PTPN5: variants seen among roughly 807,000 people sequenced by gnomAD.
PTPN5 encodes protein tyrosine phosphatase non-receptor type 5, also known as tyrosine-protein phosphatase non-receptor type 5.
In PTPN5, 29 loss-of-function variants were observed where a neutral mutation model predicts 73.9. The observed-to-expected ratio is 0.39, with a 90% confidence interval of 0.29 to 0.54. The LOEUF (loss-of-function observed/expected upper bound fraction) is 0.54, where lower values mean the gene tolerates loss of function less well. PTPN5 is among the 20% of genes least tolerant of loss of function. PTPN5 has a pLI of 0.65. For missense variants in PTPN5, 652 were observed against 751.4 expected (o/e 0.87, Z 1.55); for synonymous variants, 267 against 304.7 (o/e 0.88, Z 1.29).
Position 18,772,068 on chromosome 11 carries a change from C to G in PTPN5, c.-110G>C, listed in dbSNP as rs1052222530. 1.3e-6 allele frequency: 1 copy of G among 787,290 alleles called. No individual in the cohort carries two copies. 48.8% of individuals were successfully genotyped at this position (787,290 alleles called of 1,614,324 possible). Reference sequence around the variant, plus strand: ...AGGAGAGAGGGCAGCTTCAGATCATCCAGCTGGGAAAACGGGGCAAAGAGA... The same window carrying G: ...AGGAGAGAGGGCAGCTTCAGATCATGCAGCTGGGAAAACGGGGCAAAGAGA... On this transcript the variant is annotated 5_prime_UTR_variant, in exon 2 of 15. Coordinates refer to ENST00000358540, the MANE Select transcript of PTPN5 (RefSeq NM_006906.2).
chr11:18,740,639 CT>C lies in PTPN5; in HGVS notation c.878del (p.Lys293ArgfsTer17). ...CCTGCAGCAGGAAAGGGTCCAGGGCCTTTTCATGAAGCTCTTCTGCTTGGAG... is the reference window on the plus strand; with the variant it reads ...CCTGCAGCAGGAAAGGGTCCAGGGCCTTTCATGAAGCTCTTCTGCTTGGAG... ...RVLQAEELHE[K>X]ALDPFLLQAE... On this transcript the variant is annotated frameshift_variant, in exon 8 of 15. Transcript: ENST00000358540. LOFTEE classifies it high-confidence loss of function. 1.9e-6 allele frequency: 3 copies of C among 1,595,600 alleles called. No individual in the cohort carries two copies. Among genetic ancestry groups the C allele is most frequent in the Admixed American group, 1.8e-5 (1 of 56,900 alleles).
chr11:18,789,113 T>C (rs1003136103), intron 1 of PTPN5, among the ~76,000 whole-genome samples: 3 of 152,150 alleles, frequency 2.0e-5, no homozygotes, highest in South Asian at 4.2e-4. Context: ...AAGAATCCCA[T>C]GTCCTTGGAT....
chr11:18,742,586 C>A lies in PTPN5; in HGVS notation c.484-83G>T. On this transcript the variant is annotated intron_variant, in intron 6 of 14. Transcript: ENST00000358540. The surrounding 1 kb of genome is among the most constrained non-coding windows in gnomAD (Gnocchi z 4.1). The stretch of plus-strand genomic sequence containing the variant: ...CTGGAGTGCCCATGGGATTGACGCC[C>A]CCCCACTCCCTCAGTGTGTCTAGAG... 6.4e-7 allele frequency: 1 copy of A among 1,550,764 alleles called. No homozygotes were observed. The highest frequency in any genetic ancestry group is 8.7e-7 in the Non-Finnish European group (1 of 1,151,688).
chr11:18,783,828 A>G (rs1851550390), intron 1 of PTPN5, among the ~76,000 whole-genome samples: 1 of 152,162 alleles, frequency 6.6e-6, no homozygotes, highest in Non-Finnish European at 1.5e-5. Flanking sequence ...TACAGTAAAT[A>G]CTTGCATGCT....
chr11:18,778,020 A>AAGGG lies in PTPN5; in HGVS notation c.-113-5950_-113-5949insCCCT, dbSNP rs1851250105. On this transcript the variant is annotated intron_variant, in intron 1 of 14. Coordinates refer to ENST00000358540, the MANE Select transcript of PTPN5 (RefSeq NM_006906.2). ...GAAGGAAGGAAGGAAGGAAGGAAGG[A>AAGGG]AGGAAGGGCCCTGATTTGTGCCCTC... Among the ~76,000 whole-genome samples the AAGGG allele has an allele frequency of 2.7e-5, 4 of 150,162 alleles. No homozygotes were observed. The South Asian group carries it at 6.3e-4, about 24-fold the overall frequency.
chr11:18,757,713 G>T (rs1051913997), intron 3 of PTPN5, among the ~76,000 whole-genome samples: 1 of 152,194 alleles, frequency 6.6e-6, no homozygotes, highest in African/African-American at 2.4e-5. Flanking sequence ...GGACAGAGCA[G>T]GGGTGGACTG....
chr11:18,760,809 T>C (rs537907086), intron 3 of PTPN5, among the ~76,000 whole-genome samples: 9 of 152,338 alleles, frequency 5.9e-5, no homozygotes, highest in South Asian at 4.1e-4. Flanking sequence ...GAGAAGTCCA[T>C]AGGGCTCAGG....
intron 1 of PTPN5, 84 bp downstream of exon 1, chr11:18,791,441 T>C (rs1292466228): frequency 1.3e-5 from 2 of 151,952 alleles, no homozygotes; most frequent in Non-Finnish European, 2.9e-5. Context: ...AAGGTGTCAG[T>C]TGCGGGGCCG....
chr11:18,760,927 C>T (rs1264644048), intron 3 of PTPN5, among the ~76,000 whole-genome samples: 2 of 152,266 alleles, frequency 1.3e-5, no homozygotes, highest in Non-Finnish European at 2.9e-5. Context: ...GGCTTGAAGC[C>T]TGCATGGGTC....
chr11:18,763,349 C>T (rs544923482), intron 3 of PTPN5, among the ~76,000 whole-genome samples: 18 of 152,308 alleles, frequency 1.2e-4, no homozygotes, highest in African/African-American at 1.7e-4. Flanking sequence ...GTAGCGGTGA[C>T]GACACGGGCT....
chr11:18,743,413 A>G lies in PTPN5; in HGVS notation c.308T>C (p.Leu103Pro). The change falls in exon 5 of 15, where the codon CTC becomes CCC. Residue 103 changes from leucine (L) to proline (P), a missense_variant. By Grantham distance (98) the Leu-to-Pro change is moderately conservative. Transcript: ENST00000358540. ...ASQFLLACGV[L>P]WFSGYGHIWS... ...GATGTGGCCATAACCGCTGAACCAG[A>G]GCACCCCACAGGCAAGCTGGGGCAC... 1 of 1,614,130 alleles carries G rather than the reference A, an allele frequency of 6.2e-7. No individual in the cohort carries two copies. The highest frequency in any genetic ancestry group is 8.5e-7 in the Non-Finnish European group (1 of 1,180,016).
At chr11:18,751,199 A>G (rs1849873405) in intron 3 of PTPN5, among the ~76,000 whole-genome samples, 1 of 151,886 alleles carries the variant, frequency 6.6e-6, no homozygotes, top group Admixed American at 6.6e-5. Context: ...GTGGCTCCCT[A>G]TTTTCTGCTA....
At chr11:18,732,853 C>T in intron 11 of PTPN5, 151 bp from the exon 12 acceptor site, 2 of 667,150 alleles carry the variant, frequency 3.0e-6, no homozygotes, top group South Asian at 3.8e-5. Flanking sequence ...ACTCTATAAG[C>T]TACTTCCGTT....
intron 2 of PTPN5, among the ~76,000 whole-genome samples, chr11:18,771,316 T>C (rs1850886771): frequency 6.6e-6 from 1 of 152,216 alleles, no homozygotes; most frequent in Non-Finnish European, 1.5e-5. Flanking sequence ...TGCTGTTCCC[T>C]CAGCCTGGAA....
intron 12 of PTPN5, among the ~76,000 whole-genome samples, chr11:18,731,893 G>T (rs1848894156): frequency 6.6e-6 from 1 of 152,138 alleles, no homozygotes; most frequent in Non-Finnish European, 1.5e-5. Flanking sequence ...AGCCTTTGGG[G>T]TTATTACAAT....
Position 18,769,388 on chromosome 11 carries a change from GT to G in PTPN5, c.20+2550del, listed in dbSNP as rs903590047. 3.5e-3 allele frequency among the ~76,000 whole-genome samples: 525 copies of G among 151,614 alleles called. 4 individuals are homozygous for G. The highest frequency in any genetic ancestry group is 0.012 in the African/African-American group (490 of 41,334). ...TTCTCCAAGGGGGAGACAGGAGCTG[GT>G]TTTTTTTTAAATTAATTAATTAATT... On this transcript the variant is annotated intron_variant, in intron 2 of 14. Transcript: ENST00000358540.
chr11:18,759,571 T>C (rs1014109274), intron 3 of PTPN5, among the ~76,000 whole-genome samples: 3 of 152,240 alleles, frequency 2.0e-5, no homozygotes, highest in African/African-American at 4.8e-5. Flanking sequence ...TACAGAATAC[T>C]GCCCAGTTAG....
At position 18,729,810 on chromosome 11, in the gene PTPN5, A is replaced by T. The variant is rs367543222; in HGVS notation, c.1338T>A (p.Thr446=). The change falls in exon 13 of 15, where the codon ACT becomes ACA. Residue 446 remains threonine, a synonymous_variant. Coordinates refer to ENST00000358540, the MANE Select transcript of PTPN5 (RefSeq NM_006906.2). This position sits in a 1 kb window ranked among gnomAD's most constrained non-coding sequence, Gnocchi z 5.2. ...RLRLISLKSG[T]EERGLKHYWF... is the part of the protein sequence containing the mutation. ...AGTAATGCTTCAGGCCTCGCTCCTC[A>T]GTCCCACTCTGTCGAGGAGACAGAG... 3.1e-6 allele frequency: 5 copies of T among 1,613,926 alleles called. No individual in the cohort carries two copies. The highest frequency in any genetic ancestry group is 3.3e-5 in the Admixed American group (2 of 59,988).
chr11:18,757,685 G>C (rs1195744928), intron 3 of PTPN5, among the ~76,000 whole-genome samples: 2 of 152,188 alleles, frequency 1.3e-5, no homozygotes, highest in Non-Finnish European at 2.9e-5. Flanking sequence ...AAGTGCTCAT[G>C]AGTGTCCTTG....
Sources: gnomAD v4.1 joint callset for allele counts (sites outside exome capture counted in the v4.1 genomes callset) on GRCh38, gnomAD v4.1.1 for gene constraint, Gnocchi (gnomAD v3.1) non-coding constraint, MANE v1.5 for transcripts, NCBI Gene and HGNC (gene_info 2026-07-23, HGNC 2026-07-21) for gene names.